GNAL: variants seen among roughly 807,000 people sequenced by gnomAD.
GNAL encodes guanine nucleotide-binding protein G(olf) subunit alpha.
In GNAL, 18 loss-of-function variants were observed where a neutral mutation model predicts 55.1. The observed-to-expected ratio is 0.33, with a 90% CI of 0.23 to 0.48. The LOEUF is 0.48. GNAL is among the 20% of genes least tolerant of loss of function. The pLI is 0.99. For missense variants in GNAL, 412 were observed against 614.1 expected (o/e 0.67, Z 3.48); for synonymous variants, 253 against 237.0 (o/e 1.07, Z -0.62).
intron 4 of GNAL, among the ~76,000 whole-genome samples, chr18:11,823,376 A>C (rs2035155964): frequency 1.3e-5 from 2 of 152,162 alleles, no homozygotes; most frequent in Admixed American, 1.3e-4. Flanking sequence ...GGGTTTGCTG[A>C]TAATGGTGAC....
In GNAL at chr18:11,866,637, C is replaced by T. The variant is rs1465588362; in HGVS notation, c.852-531C>T. On this transcript the variant is annotated intron_variant, in intron 7 of 11. Transcript: ENST00000334049. ...CAGAGCAGCCTGCACTGAATCCAGG[C>T]GTGATCAAGACCCAGTGCAGGTCAC... Among the ~76,000 whole-genome samples the T allele has an allele frequency of 3.3e-5, 5 of 150,122 alleles. 2 individuals carry two copies. The highest frequency in any genetic ancestry group is 1.0e-4 in the African/African-American group (4 of 39,476).
rs535532011 is a variant in GNAL at position 11,799,117 on chromosome 18, A to G, written c.625-25801A>G. 6.6e-5 allele frequency among the ~76,000 whole-genome samples: 10 copies of G among 152,156 alleles called. No individual in the cohort carries two copies. In the South Asian group the frequency reaches 1.5e-3, roughly 22 times the overall value. The stretch of plus-strand genomic sequence containing the variant: ...AACAGAGCGAGAGTCTGTCTCAAAA[A>G]AAAAAAAAAAGTTAAATGAACACAC... On this transcript the variant is annotated intron_variant, in intron 4 of 11. Coordinates refer to ENST00000334049, the MANE Select transcript of GNAL (RefSeq NM_182978.4).
chr18:11,806,514 T>C (rs1434301623), intron 4 of GNAL, among the ~76,000 whole-genome samples: 1 of 152,152 alleles, frequency 6.6e-6, no homozygotes, highest in East Asian at 1.9e-4. Context: ...TCAGTCGATT[T>C]TTGTATATAG....
chr18:11,774,942 A>G (rs1157522491), intron 4 of GNAL, among the ~76,000 whole-genome samples: 1 of 152,226 alleles, frequency 6.6e-6, no homozygotes, highest in African/African-American at 2.4e-5. Flanking sequence ...TGAGCCATCT[A>G]TCTGGAGATG....
At chr18:11,875,533 T>G (rs1211360749) in intron 10 of GNAL, among the ~76,000 whole-genome samples, 1 of 152,108 alleles carries the variant, frequency 6.6e-6, no homozygotes, top group Non-Finnish European at 1.5e-5. Context: ...AGATAGTGAA[T>G]GGGTTCTGCA....
At chr18:11,839,778 C>T (rs1598419459) in intron 5 of GNAL, among the ~76,000 whole-genome samples, 1 of 152,218 alleles carries the variant, frequency 6.6e-6, no homozygotes, top group East Asian at 1.9e-4. Flanking sequence ...TCCTTTAGAG[C>T]ACAAGCGTTC....
intron 1 of GNAL, among the ~76,000 whole-genome samples, chr18:11,742,272 T>C (rs181415121): frequency 6.6e-6 from 1 of 152,344 alleles, no homozygotes; most frequent in East Asian, 1.9e-4. Context: ...AGCTAGGAAA[T>C]CCTCAAGGAT....
intron 1 of GNAL, among the ~76,000 whole-genome samples, chr18:11,694,143 T>G (rs989744492): frequency 1.3e-5 from 2 of 152,128 alleles, no homozygotes; most frequent in African/African-American, 2.4e-5. Flanking sequence ...AGCCATTGTG[T>G]CCAGTCAAGT....
chr18:11,703,665 G>A (rs866728277), intron 1 of GNAL, among the ~76,000 whole-genome samples: 4 of 152,178 alleles, frequency 2.6e-5, no homozygotes, highest in Non-Finnish European at 4.4e-5. Context: ...CATGGAGGAC[G>A]ATACTTAACT....
At chr18:11,713,767 G>A (rs527906255) in intron 1 of GNAL, among the ~76,000 whole-genome samples, 25 of 152,138 alleles carry the variant, frequency 1.6e-4, no homozygotes, top group Non-Finnish European at 3.2e-4. Context: ...ACCTCTGGCC[G>A]GTCACTGAGC....
chr18:11,778,483 C>T (rs188301971), intron 4 of GNAL, among the ~76,000 whole-genome samples: 1 of 152,292 alleles, frequency 6.6e-6, no homozygotes, highest in East Asian at 1.9e-4. Flanking sequence ...CATGATGTTA[C>T]AGAGAAACAC....
At chr18:11,845,039 T>G (rs112273229) in intron 5 of GNAL, among the ~76,000 whole-genome samples, 33 of 152,194 alleles carry the variant, frequency 2.2e-4, no homozygotes, top group African/African-American at 5.5e-4. Context: ...CTGATTTTTG[T>G]ATTTTTAGTA....
chr18:11,846,422 AATAC>A (rs1477900773), intron 5 of GNAL, among the ~76,000 whole-genome samples: 2 of 145,332 alleles, frequency 1.4e-5, no homozygotes, highest in Non-Finnish European at 3.0e-5. Context: ...TAAATATATA[AATAC>A]ATATATAAAT....
chr18:11,865,414 C>T (rs1195056225), intron 7 of GNAL, among the ~76,000 whole-genome samples: 1 of 149,144 alleles, frequency 6.7e-6, no homozygotes, highest in Non-Finnish European at 1.5e-5. Flanking sequence ...TCCTCTGAGC[C>T]TCAGATGCCA....
At chr18:11,840,487 A>G (rs1300058539) in intron 5 of GNAL, among the ~76,000 whole-genome samples, 1 of 152,246 alleles carries the variant, frequency 6.6e-6, no homozygotes, top group Non-Finnish European at 1.5e-5. Context: ...GAGACTCAGC[A>G]GAGGTGAACA....
chr18:11,832,730 C>T (rs951817471), intron 5 of GNAL, among the ~76,000 whole-genome samples: 2 of 151,810 alleles, frequency 1.3e-5, no homozygotes. Flanking sequence ...TGGTGGTGCA[C>T]GCGCCTTTAA....
Position 11,824,915 on chromosome 18 carries a change from T to C in GNAL, c.625-3T>C, listed in dbSNP as rs759213986. 5.9e-6 allele frequency: 9 copies of C among 1,523,834 alleles called. No individual in the cohort carries two copies. Among genetic ancestry groups the C allele is most frequent in the Admixed American group, 1.8e-5 (1 of 56,956 alleles). 94.4% of individuals were successfully genotyped at this position (1,523,834 alleles called of 1,614,324 possible). Reference sequence around the variant, plus strand: ...TTTAATTTGTAACTCTTTCAAACTTTAGGAATTCTTTGACCATGTGAAAAA... The same window carrying C: ...TTTAATTTGTAACTCTTTCAAACTTCAGGAATTCTTTGACCATGTGAAAAA... On this transcript the variant is annotated splice_polypyrimidine_tract_variant and splice_region_variant and intron_variant, in intron 4 of 11. Coordinates refer to ENST00000334049, the MANE Select transcript of GNAL (RefSeq NM_182978.4).
chr18:11,698,891 A>T (rs1218221160), intron 1 of GNAL, among the ~76,000 whole-genome samples: 1 of 152,186 alleles, frequency 6.6e-6, no homozygotes, highest in East Asian at 1.9e-4. Context: ...TGTCATTTAG[A>T]GGGAAATTCT....
At chr18:11,796,863 G>C (rs2034403603) in intron 4 of GNAL, among the ~76,000 whole-genome samples, 1 of 152,056 alleles carries the variant, frequency 6.6e-6, no homozygotes, top group Admixed American at 6.6e-5. Context: ...TCCTAATGTA[G>C]TCATTTAATT....
Sources: allele counts gnomAD v4.1 joint callset (sites outside exome capture counted in the v4.1 genomes callset), GRCh38; gene constraint gnomAD v4.1.1; transcripts MANE v1.5; gene names NCBI Gene and HGNC (gene_info 2026-07-23, HGNC 2026-07-21).